DOCK3: variants seen among roughly 807,000 people sequenced by gnomAD.
The protein encoded by DOCK3 is dedicator of cytokinesis 3.
A neutral mutation model predicts 265.6 loss-of-function variants in DOCK3; 60 were observed. The observed-to-expected ratio is 0.23, with a 90% CI of 0.18 to 0.28. DOCK3 has a LOEUF of 0.28. Among genes scored for constraint, DOCK3 ranks in the 10% least tolerant of loss-of-function variants. The probability of loss-of-function intolerance (pLI) is 1.00; values close to 1 mark genes in which losing one functional copy is unlikely to be tolerated. For missense variants in DOCK3, 1,981 were observed against 2,594.3 expected (o/e 0.76, Z 5.14); for synonymous variants, 881 against 938.0 (o/e 0.94, Z 1.11).
intron 5 of DOCK3, among the ~76,000 whole-genome samples, chr3:51,015,509 G>A (rs2108798994): frequency 6.7e-6 from 1 of 148,580 alleles, no homozygotes; most frequent in East Asian, 2.0e-4. Context: ...TCTTTTTAAT[G>A]TGTTGTTAAA....
At chr3:50,788,297 T>C in intron 2 of DOCK3, 1 of 403,824 alleles carries the variant, frequency 2.5e-6, no homozygotes, top group Non-Finnish European at 4.2e-6. Context: ...GGTAAATGAC[T>C]CAATTTATTA....
chr3:50,697,594 A>AAACAAACC (rs2035717998), intron 1 of DOCK3, among the ~76,000 whole-genome samples: 1 of 152,186 alleles, frequency 6.6e-6, no homozygotes, highest in African/African-American at 2.4e-5. Flanking sequence ...TCCGTCTCAA[A>AAACAAACC]AACAAACCAA....
intron 1 of DOCK3, among the ~76,000 whole-genome samples, chr3:50,757,476 T>C (rs1054072495): frequency 6.6e-6 from 1 of 152,056 alleles, no homozygotes; most frequent in African/African-American, 2.4e-5. Flanking sequence ...CTGGCTCAGA[T>C]TGTCTTTTTA....
chr3:51,296,688 G>A (rs1430571888), intron 27 of DOCK3, among the ~76,000 whole-genome samples: 1 of 151,998 alleles, frequency 6.6e-6, no homozygotes, highest in Non-Finnish European at 1.5e-5. Context: ...GTGTTAGCCA[G>A]GATGGTCTCG....
chr3:51,311,871 T>C, intron 28 of DOCK3, 133 bp from the exon 29 acceptor site: 1 of 603,794 alleles, frequency 1.7e-6, no homozygotes, highest in Non-Finnish European at 2.8e-6. Flanking sequence ...TCTCTTTCCT[T>C]TATAGTCACA....
chr3:51,086,719 AC>A (rs2109511501), intron 7 of DOCK3, among the ~76,000 whole-genome samples: 1 of 152,268 alleles, frequency 6.6e-6, no homozygotes, highest in Admixed American at 6.5e-5. Flanking sequence ...AATCACCTGA[AC>A]CCAGGAGGTG....
At chr3:51,290,705 A>G (rs2081697868) in intron 27 of DOCK3, among the ~76,000 whole-genome samples, 1 of 152,190 alleles carries the variant, frequency 6.6e-6, no homozygotes, top group Non-Finnish European at 1.5e-5. Flanking sequence ...AAGAAAAAAG[A>G]CATTTCATGC....
intron 2 of DOCK3, among the ~76,000 whole-genome samples, chr3:50,784,247 C>T (rs2042072436): frequency 6.6e-6 from 1 of 152,164 alleles, no homozygotes; most frequent in Non-Finnish European, 1.5e-5. Context: ...TATCCCAGCA[C>T]CATTTGTTGA....
chr3:51,279,478 A>G (rs56372008), intron 26 of DOCK3, among the ~76,000 whole-genome samples: 6,615 of 152,286 alleles, frequency 0.043, 222 homozygotes, highest in Non-Finnish European at 0.066. Flanking sequence ...ATTTTATTCC[A>G]TGTATTCCAA....
chr3:50,679,313 T>G (rs2034218450), intron 1 of DOCK3, among the ~76,000 whole-genome samples: 1 of 152,196 alleles, frequency 6.6e-6, no homozygotes, highest in South Asian at 2.1e-4. Flanking sequence ...TTATTGCTTA[T>G]TTTTTATTAA....
At chr3:51,020,390 T>C (rs2079533126) in intron 5 of DOCK3, among the ~76,000 whole-genome samples, 1 of 151,934 alleles carries the variant, frequency 6.6e-6, no homozygotes, top group Non-Finnish European at 1.5e-5. Flanking sequence ...GATGGATAGA[T>C]TGCAAACATT....
At chr3:51,367,422 G>A (rs1228552287) in intron 49 of DOCK3, among the ~76,000 whole-genome samples, 1 of 152,186 alleles carries the variant, frequency 6.6e-6, no homozygotes, top group African/African-American at 2.4e-5. Flanking sequence ...ACAGCACACT[G>A]ATGGGTCTTG....
chr3:50,682,630 A>C (rs1470888298), intron 1 of DOCK3, among the ~76,000 whole-genome samples: 1 of 152,208 alleles, frequency 6.6e-6, no homozygotes. Context: ...GACCTACAAT[A>C]AAAAATACAT....
intron 2 of DOCK3, among the ~76,000 whole-genome samples, chr3:50,824,685 T>A (rs2044653707): frequency 6.6e-6 from 1 of 152,216 alleles, no homozygotes; most frequent in African/African-American, 2.4e-5. Flanking sequence ...CTAGCTCTGT[T>A]TTAGATGATT....
At chr3:51,121,502 G>A (rs1006301488) in intron 9 of DOCK3, among the ~76,000 whole-genome samples, 5 of 152,204 alleles carry the variant, frequency 3.3e-5, no homozygotes, top group African/African-American at 1.2e-4. Flanking sequence ...AGAGAAGGGG[G>A]ACATGGAGAT....
chr3:51,280,036 C>T (rs1212153020), intron 26 of DOCK3, 70 bp from the exon 27 acceptor site: 2 of 1,284,674 alleles, frequency 1.6e-6, no homozygotes, highest in Non-Finnish European at 2.2e-6. Flanking sequence ...CTCTCCTTGC[C>T]CTCTATGGAT....
intron 23 of DOCK3, among the ~76,000 whole-genome samples, chr3:51,270,262 G>A (rs965126828): frequency 2.0e-5 from 3 of 152,162 alleles, no homozygotes; most frequent in Admixed American, 2.0e-4. Flanking sequence ...CACTTATGAA[G>A]AAAATAATTT....
chr3:51,375,179 T>C (rs1353643933), intron 50 of DOCK3, among the ~76,000 whole-genome samples: 1 of 152,208 alleles, frequency 6.6e-6, no homozygotes, highest in Admixed American at 6.5e-5. Context: ...AAGTCACCTC[T>C]CAGTGACCAT....
chr3:51,019,062 A>G (rs1330793697), intron 5 of DOCK3, among the ~76,000 whole-genome samples: 3 of 151,754 alleles, frequency 2.0e-5, no homozygotes, highest in Non-Finnish European at 4.4e-5. Flanking sequence ...TTTCTTGTAG[A>G]GATGGGTTCT....
Sources: gnomAD v4.1 joint callset for allele counts (sites outside exome capture counted in the v4.1 genomes callset) on GRCh38, gnomAD v4.1.1 for gene constraint, MANE v1.5 for transcripts, NCBI Gene and HGNC (gene_info 2026-07-23, HGNC 2026-07-21) for gene names.